The following KIF26B variants were observed in gnomAD, a reference collection of about 807,000 sequenced individuals.
KIF26B encodes kinesin family member 26B.
In KIF26B, 63 loss-of-function variants were observed where a neutral mutation model predicts 151.2. The observed-to-expected ratio is 0.42, with a 90% CI of 0.34 to 0.51. The LOEUF (loss-of-function observed/expected upper bound fraction) is 0.51. Ranked by LOEUF, KIF26B falls within the 20% of genes least tolerant of loss-of-function variation. The pLI, the probability that KIF26B is intolerant of heterozygous loss-of-function variation, is 0.07. For synonymous variants in KIF26B, 1,357 were observed against 1,262.1 expected, an observed-to-expected ratio of 1.08 and a Z score of -1.59; for missense variants, 2,813 against 2,913.6, an observed-to-expected ratio of 0.97 and a Z score of 0.79.
rs894512929 is a variant in KIF26B, at chr1:245,704,113, G to A, written c.*1507G>A. The stretch of plus-strand genomic sequence containing the variant: ...AAGGGATTTCCCTGATAAAAGCTGT[G>A]GTGCTGATGATAGTGCAGCCCAGAA... On this transcript the variant is annotated 3_prime_UTR_variant, in exon 15 of 15. Coordinates refer to ENST00000407071, the MANE Select transcript of KIF26B (RefSeq NM_018012.4). 1 of 152,242 alleles carries A rather than the reference G, an allele frequency of 6.6e-6. No homozygotes were observed. The highest frequency in any genetic ancestry group is 1.5e-5 in the Non-Finnish European group (1 of 68,058). The allele number at this position is 152,242 out of a possible 1,614,324, so 9.4% of individuals were successfully genotyped here. A position where few individuals can be genotyped will look rare whatever the true frequency, so the allele number is the denominator to read the frequency against.
chr1:245,468,812 C>T (rs931285781), intron 4 of KIF26B, among the ~76,000 whole-genome samples: 1 of 152,158 alleles, frequency 6.6e-6, no homozygotes, highest in Non-Finnish European at 1.5e-5. Flanking sequence ...TTCTTTCCCC[C>T]TCGCTATGCT....
chr1:245,222,297 TGTG>T (rs1669789582), intron 2 of KIF26B, among the ~76,000 whole-genome samples: 1 of 151,820 alleles, frequency 6.6e-6, no homozygotes, highest in Non-Finnish European at 1.5e-5. Context: ...ATTAGCCAGG[TGTG>T]GTGGTGGGTG....
At position 245,609,375 on chromosome 1, in the gene KIF26B, C is replaced by T. The variant is rs370043831; in HGVS notation, c.1761C>T (p.Thr587=). ...FKLINERKEK[T]GARFSVRVSA... Reference sequence around the variant, plus strand: ...TCATAAACGAACGCAAGGAAAAGACCGGCGCCCGTTTCTCAGTCCGGGTTT... The same window carrying T: ...TCATAAACGAACGCAAGGAAAAGACTGGCGCCCGTTTCTCAGTCCGGGTTT... The change falls in exon 8 of 15, where the codon ACC becomes ACT. Residue 587 remains threonine (T), a synonymous_variant. Coordinates refer to ENST00000407071, the MANE Select transcript of KIF26B (RefSeq NM_018012.4). 6.2e-6 allele frequency: 10 copies of T among 1,609,628 alleles called. No homozygotes were observed. Among genetic ancestry groups the T allele is most frequent in the South Asian group, 1.1e-5 (1 of 89,870 alleles).
At chr1:245,678,177 C>T (rs951553266) in intron 10 of KIF26B, among the ~76,000 whole-genome samples, 7 of 151,932 alleles carry the variant, frequency 4.6e-5, no homozygotes, top group African/African-American at 7.3e-5. Context: ...ATTTCAAAGC[C>T]GTGGTTCTGT....
At chr1:245,233,477 T>C (rs1313781149) in intron 2 of KIF26B, among the ~76,000 whole-genome samples, 1 of 152,178 alleles carries the variant, frequency 6.6e-6, no homozygotes. Context: ...TGTTAGAAAA[T>C]GCAGAATTCC....
intron 5 of KIF26B, among the ~76,000 whole-genome samples, chr1:245,552,157 GT>G (rs1357421876): frequency 6.6e-6 from 1 of 151,204 alleles, no homozygotes; most frequent in African/African-American, 2.4e-5. Flanking sequence ...GTGTGTGTGT[GT>G]GTGTGTGTGT....
chr1:245,571,251 G>T (rs1281378904), intron 5 of KIF26B, among the ~76,000 whole-genome samples: 2 of 152,188 alleles, frequency 1.3e-5, no homozygotes, highest in African/African-American at 4.8e-5. Flanking sequence ...ATGTACCTAA[G>T]GGTGGTGTTA....
chr1:245,518,221 T>C (rs1034197827), intron 4 of KIF26B, among the ~76,000 whole-genome samples: 3 of 152,150 alleles, frequency 2.0e-5, no homozygotes, highest in Admixed American at 2.0e-4. Flanking sequence ...AACGTATTTT[T>C]CAGATTCTCA....
chr1:245,483,095 G>C (rs1660204122), intron 4 of KIF26B, among the ~76,000 whole-genome samples: 1 of 151,558 alleles, frequency 6.6e-6, no homozygotes. Context: ...CAAAGCTCTG[G>C]GTCGTCTTCT....
intron 10 of KIF26B, among the ~76,000 whole-genome samples, chr1:245,675,835 A>T (rs10924300): frequency 0.48 from 73,091 of 151,968 alleles, 19,885 homozygotes; most frequent in East Asian, 0.82. Context: ...AGCAACAGGG[A>T]TTATTTTTAC....
At chr1:245,158,358 T>C (rs1031035026) in intron 2 of KIF26B, among the ~76,000 whole-genome samples, 1 of 152,228 alleles carries the variant, frequency 6.6e-6, no homozygotes, top group Non-Finnish European at 1.5e-5. Context: ...TCATGTTTTA[T>C]GGAGTCCTGT....
intron 2 of KIF26B, among the ~76,000 whole-genome samples, chr1:245,257,445 C>A (rs766047662): frequency 1.1e-4 from 16 of 152,182 alleles, no homozygotes; most frequent in Non-Finnish European, 1.6e-4. Flanking sequence ...CAGATGATAT[C>A]CCCTGCCTCG....
At chr1:245,291,974 C>T (rs1232374182) in intron 2 of KIF26B, among the ~76,000 whole-genome samples, 2 of 152,124 alleles carry the variant, frequency 1.3e-5, no homozygotes, top group Admixed American at 6.5e-5. Flanking sequence ...TGAGCCAAGG[C>T]ACTTTCCCAA....
intron 4 of KIF26B, among the ~76,000 whole-genome samples, chr1:245,494,764 G>A (rs573672585): frequency 1.2e-4 from 19 of 152,236 alleles, no homozygotes; most frequent in South Asian, 1.2e-3. Flanking sequence ...GGGGCCAGGC[G>A]TGGTGGCTCA....
intron 3 of KIF26B, among the ~76,000 whole-genome samples, chr1:245,405,493 T>G (rs534865156): frequency 6.6e-6 from 1 of 152,258 alleles, no homozygotes; most frequent in South Asian, 2.1e-4. Context: ...TTAATTGACT[T>G]TATTAAGGTC....
intron 2 of KIF26B, among the ~76,000 whole-genome samples, chr1:245,211,909 G>T (rs111495757): frequency 6.6e-6 from 1 of 152,114 alleles, no homozygotes; most frequent in Admixed American, 6.5e-5. Context: ...ATTTCCATTC[G>T]GCCTGCACCC....
chr1:245,163,158 T>A (rs1403038692), intron 2 of KIF26B, among the ~76,000 whole-genome samples: 1 of 152,230 alleles, frequency 6.6e-6, no homozygotes, highest in African/African-American at 2.4e-5. Context: ...TTACAGGATC[T>A]TCTAGAATGT....
chr1:245,611,193 C>T (rs537302348), intron 8 of KIF26B, among the ~76,000 whole-genome samples: 16 of 152,308 alleles, frequency 1.1e-4, no homozygotes, highest in African/African-American at 3.9e-4. Flanking sequence ...ATTCAAGTAT[C>T]GTGAGTGTTT....
In KIF26B at chr1:245,601,232, G is replaced by C. The variant is rs995043189; in HGVS notation, c.1351-1345G>C. Among the ~76,000 whole-genome samples the C allele has an allele frequency of 4.6e-5, 7 of 152,174 alleles. No individual in the cohort carries two copies. Among genetic ancestry groups the C allele is most frequent in the Non-Finnish European group, 7.3e-5 (5 of 68,038 alleles). On this transcript the variant is annotated intron_variant, in intron 5 of 14. Coordinates refer to ENST00000407071, the MANE Select transcript of KIF26B (RefSeq NM_018012.4). This position sits in a 1 kb window ranked among gnomAD's most constrained non-coding sequence, Gnocchi z 4.4. The stretch of plus-strand genomic sequence containing the variant: ...TCCACGGAGAACTGTTCTTAAGTTA[G>C]AAGGCAAGCACAGCGGGGACACGGT...
Sources: gnomAD v4.1 joint callset for allele counts (sites outside exome capture counted in the v4.1 genomes callset) on GRCh38, gnomAD v4.1.1 for gene constraint, Gnocchi (gnomAD v3.1) non-coding constraint, MANE v1.5 for transcripts, NCBI Gene and HGNC (gene_info 2026-07-23, HGNC 2026-07-21) for gene names.